Variants in LYN observed in about 807,000 individuals in gnomAD.
LYN encodes LYN proto-oncogene, Src family tyrosine kinase.
Under a neutral mutation model 65.0 loss-of-function variants are expected in LYN, and 12 were observed. That is an observed-to-expected ratio of 0.18 (90% CI 0.12 to 0.30). The LOEUF is 0.30. LYN is among the 10% of genes least tolerant of loss of function. LYN has a pLI of 1.00. For missense variants in LYN, 380 were observed against 623.2 expected (o/e 0.61, Z 4.16); for synonymous variants, 222 against 221.2 (o/e 1.00, Z -0.03).
chr8:55,937,547 CT>C (rs1806470700), intron 1 of LYN, among the ~76,000 whole-genome samples: 1 of 152,170 alleles, frequency 6.6e-6, no homozygotes. Context: ...CCTTATGCCC[CT>C]GTGCAGTGTA....
At chr8:55,920,010 A>AT (rs915238655) in intron 1 of LYN, among the ~76,000 whole-genome samples, 1 of 152,204 alleles carries the variant, frequency 6.6e-6, no homozygotes, top group Admixed American at 6.5e-5. Flanking sequence ...AGAATTCCTC[A>AT]TTTTTTACTC....
chr8:55,927,822 C>T (rs1806151129), intron 1 of LYN, among the ~76,000 whole-genome samples: 1 of 151,148 alleles, frequency 6.6e-6, no homozygotes, highest in South Asian at 2.1e-4. Flanking sequence ...GGTGACAGAG[C>T]GAGACTCTGT....
At chr8:55,983,994 C>T (rs759611364) in intron 10 of LYN, among the ~76,000 whole-genome samples, 8 of 152,134 alleles carry the variant, frequency 5.3e-5, no homozygotes, top group Non-Finnish European at 1.0e-4. Context: ...CCTTCCGTAC[C>T]TCTTCCAGCT....
intron 10 of LYN, among the ~76,000 whole-genome samples, chr8:55,974,464 A>T (rs751789349): frequency 7.2e-5 from 11 of 152,168 alleles, no homozygotes; most frequent in Admixed American, 1.3e-4. Flanking sequence ...GAAGTTCTCG[A>T]CCTTTTTGAG....
At chr8:55,968,529 T>C (rs1393701233) in intron 9 of LYN, among the ~76,000 whole-genome samples, 1 of 152,216 alleles carries the variant, frequency 6.6e-6, no homozygotes. Flanking sequence ...AGTGCTGGAA[T>C]TATAGGTGTG....
intron 10 of LYN, among the ~76,000 whole-genome samples, chr8:55,972,923 C>A (rs1807650052): frequency 6.6e-6 from 1 of 152,176 alleles, no homozygotes; most frequent in South Asian, 2.1e-4. Flanking sequence ...ATGCGACTTG[C>A]TGTCTTCCAT....
chr8:55,957,342 A>G (rs117495404), intron 8 of LYN, among the ~76,000 whole-genome samples: 1,749 of 152,312 alleles, frequency 0.011, 30 homozygotes, highest in African/African-American at 0.035. Flanking sequence ...TTTTAATCAT[A>G]AAACAGAGCC....
chr8:55,911,100 CAT>C (rs1491246666), intron 1 of LYN, among the ~76,000 whole-genome samples: 46 of 31,950 alleles, frequency 1.4e-3, no homozygotes, highest in Middle Eastern at 0.011. Flanking sequence ...TATATATATA[CAT>C]ACACGTATAT....
intron 8 of LYN, 131 bp downstream of exon 8, chr8:55,954,115 C>T: frequency 9.7e-7 from 1 of 1,036,070 alleles, no homozygotes; most frequent in Non-Finnish European, 1.4e-6. Context: ...TTTTGTTTTC[C>T]TCTGTCCATT....
At chr8:55,939,651 T>C (rs1806543389) in intron 1 of LYN, among the ~76,000 whole-genome samples, 1 of 152,178 alleles carries the variant, frequency 6.6e-6, no homozygotes, top group Non-Finnish European at 1.5e-5. Flanking sequence ...GCCGCACCCA[T>C]GCAGGGCTCC....
rs1776088015 is a variant in LYN at position 56,013,267 on chromosome 8, TC to T, written c.*3158del. On this transcript the variant is annotated 3_prime_UTR_variant, in exon 13 of 13. Coordinates refer to ENST00000519728, the MANE Select transcript of LYN (RefSeq NM_002350.4). Reference sequence around the variant, plus strand: ...GCTTGTGGAGTCTGCTTTCTCGCTCTCTCTTTTTTTTTTTTTTTTGACAGAG... The same window carrying T: ...GCTTGTGGAGTCTGCTTTCTCGCTCTTCTTTTTTTTTTTTTTTTGACAGAG... 1 of 105,830 alleles carries T rather than the reference TC, an allele frequency of 9.4e-6. No individual in the cohort carries two copies. The allele number at this position is 105,830 out of a possible 1,614,324, so 6.6% of individuals were successfully genotyped here. A position where few individuals can be genotyped will look rare whatever the true frequency, so the allele number is the denominator to read the frequency against.
chr8:55,917,466 G>GAACC (rs1473267719), intron 1 of LYN, among the ~76,000 whole-genome samples: 1 of 152,198 alleles, frequency 6.6e-6, no homozygotes, highest in Non-Finnish European at 1.5e-5. Flanking sequence ...TTATAGGCAT[G>GAACC]AACCACCAAA....
intron 10 of LYN, among the ~76,000 whole-genome samples, chr8:55,971,072 C>A (rs1365382746): frequency 6.6e-6 from 1 of 152,196 alleles, no homozygotes; most frequent in East Asian, 1.9e-4. Context: ...CTCAGGCATC[C>A]TCTCCACCTC....
intron 1 of LYN, among the ~76,000 whole-genome samples, chr8:55,913,341 T>C (rs573082120): frequency 3.3e-4 from 50 of 152,362 alleles, no homozygotes; most frequent in African/African-American, 1.2e-3. Flanking sequence ...TTACCTATAT[T>C]GTTTGCTACA....
At chr8:55,944,832 A>G (rs1250441433) in intron 2 of LYN, among the ~76,000 whole-genome samples, 2 of 152,192 alleles carry the variant, frequency 1.3e-5, no homozygotes, top group Non-Finnish European at 2.9e-5. Flanking sequence ...CAGAAAAGTC[A>G]AGGAGAATAG....
At chr8:55,977,838 G>A (rs921622604) in intron 10 of LYN, among the ~76,000 whole-genome samples, 16 of 151,722 alleles carry the variant, frequency 1.1e-4, no homozygotes, top group African/African-American at 3.2e-4. Context: ...AGGATTGATC[G>A]AACCCGGGAA....
At chr8:55,916,855 G>A (rs1434316669) in intron 1 of LYN, among the ~76,000 whole-genome samples, 1 of 152,078 alleles carries the variant, frequency 6.6e-6, no homozygotes, top group Admixed American at 6.5e-5. Context: ...TTATTATTTT[G>A]AGACTGCTAT....
intron 1 of LYN, among the ~76,000 whole-genome samples, chr8:55,906,327 G>T (rs575418526): frequency 6.2e-5 from 9 of 146,316 alleles, no homozygotes; most frequent in South Asian, 2.1e-4. Context: ...CCAAGAATTC[G>T]TTTTTTTTGT....
intron 9 of LYN, among the ~76,000 whole-genome samples, chr8:55,967,306 A>ATTT (rs35631616): frequency 1.2e-4 from 11 of 95,132 alleles, no homozygotes; most frequent in South Asian, 7.0e-4. Flanking sequence ...TTCCTCTTTC[A>ATTT]TTTTTTTTTT....
Sources: gnomAD v4.1 joint callset for allele counts (sites outside exome capture counted in the v4.1 genomes callset) on GRCh38, gnomAD v4.1.1 for gene constraint, MANE v1.5 for transcripts, NCBI Gene and HGNC (gene_info 2026-07-23, HGNC 2026-07-21) for gene names.